The following ELF2 variants were observed in gnomAD, a reference collection of about 807,000 sequenced individuals.
ELF2 encodes the protein E74 like ETS transcription factor 2.
Under a neutral mutation model 54.8 loss-of-function variants are expected in ELF2, and 11 were observed. The observed-to-expected ratio is 0.20, with a 90% CI of 0.13 to 0.33. The LOEUF (loss-of-function observed/expected upper bound fraction) is 0.33, where lower values mean the gene tolerates loss of function less well. Ranked by LOEUF, ELF2 falls within the 10% of genes least tolerant of loss-of-function variation. The pLI, the probability that ELF2 is intolerant of heterozygous loss-of-function variation, is 1.00. For missense variants in ELF2, 513 were observed against 703.0 expected (o/e 0.73, Z 3.06); for synonymous variants, 203 against 245.1 (o/e 0.83, Z 1.61).
intron 1 of ELF2, among the ~76,000 whole-genome samples, chr4:139,172,156 C>G (rs1024493989): frequency 2.6e-5 from 4 of 152,078 alleles, no homozygotes; most frequent in African/African-American, 9.7e-5. Flanking sequence ...CACATAAAGA[C>G]TTGTACTCAA....
At chr4:139,064,805 G>A (rs938123946) in intron 7 of ELF2, among the ~76,000 whole-genome samples, 4 of 151,990 alleles carry the variant, frequency 2.6e-5, no homozygotes, top group African/African-American at 9.7e-5. Flanking sequence ...GCTTGAACCC[G>A]GGAGGCAGAG....
At chr4:139,109,912 A>G (rs1165053473) in intron 4 of ELF2, among the ~76,000 whole-genome samples, 2 of 152,208 alleles carry the variant, frequency 1.3e-5, no homozygotes, top group Non-Finnish European at 2.9e-5. Flanking sequence ...GATGGGATCA[A>G]TAGAAGCCCA....
chr4:139,141,139 G>A (rs1435055389), intron 1 of ELF2, among the ~76,000 whole-genome samples: 1 of 152,126 alleles, frequency 6.6e-6, no homozygotes, highest in Admixed American at 6.6e-5. Context: ...AGGGGCCTGG[G>A]ACAAGAATAC....
chr4:139,088,946 C>G (rs773971144), intron 4 of ELF2, among the ~76,000 whole-genome samples: 1 of 152,110 alleles, frequency 6.6e-6, no homozygotes, highest in Non-Finnish European at 1.5e-5. Context: ...TTAGTAGAGA[C>G]AGGGTTTCTC....
intron 4 of ELF2, among the ~76,000 whole-genome samples, chr4:139,076,101 TAAAC>T (rs576212522): frequency 1.0e-3 from 152 of 152,336 alleles, no homozygotes; most frequent in Admixed American, 2.6e-3. Flanking sequence ...GCCTCAGTCT[TAAAC>T]AACAGTCATT....
intron 3 of ELF2, among the ~76,000 whole-genome samples, chr4:139,131,605 G>A (rs1737494285): frequency 6.6e-6 from 1 of 152,050 alleles, no homozygotes. Context: ...GTAGAGTAAG[G>A]TTACCTTAAA....
At chr4:139,165,358 A>G (rs758977062) in intron 1 of ELF2, among the ~76,000 whole-genome samples, 3 of 152,188 alleles carry the variant, frequency 2.0e-5, no homozygotes, top group Non-Finnish European at 4.4e-5. Flanking sequence ...CTTCCCCAGG[A>G]TCAAGTTCTA....
chr4:139,175,985 A>T (rs1434215796), intron 1 of ELF2, among the ~76,000 whole-genome samples: 1 of 152,208 alleles, frequency 6.6e-6, no homozygotes, highest in African/African-American at 2.4e-5. Flanking sequence ...CTTTATGGAC[A>T]TGGAATAAAA....
chr4:139,125,570 C>A (rs1736833292), intron 3 of ELF2, among the ~76,000 whole-genome samples: 1 of 151,950 alleles, frequency 6.6e-6, no homozygotes, highest in Non-Finnish European at 1.5e-5. Context: ...ATTAAGTTGG[C>A]AGATTAAAAA....
At chr4:139,077,770 C>CT (rs1730521858) in intron 4 of ELF2, among the ~76,000 whole-genome samples, 1 of 152,114 alleles carries the variant, frequency 6.6e-6, no homozygotes, top group Non-Finnish European at 1.5e-5. Flanking sequence ...AGTAAGCAAG[C>CT]TACAAGCAAG....
At chr4:139,135,191 C>A (rs944457913) in intron 3 of ELF2, among the ~76,000 whole-genome samples, 2 of 150,148 alleles carry the variant, frequency 1.3e-5, no homozygotes, top group African/African-American at 4.9e-5. Flanking sequence ...TCATCCCATT[C>A]TACATTTTAG....
At chr4:139,103,542 G>A (rs1401440219) in intron 4 of ELF2, among the ~76,000 whole-genome samples, 2 of 152,226 alleles carry the variant, frequency 1.3e-5, no homozygotes, top group African/African-American at 2.4e-5. Context: ...ACATGTGGAG[G>A]TTCCTGGAGT....
intron 4 of ELF2, chr4:139,084,562 C>A: frequency 2.8e-6 from 1 of 362,378 alleles, no homozygotes; most frequent in Non-Finnish European, 3.9e-6. Flanking sequence ...CCGCAGCCTG[C>A]GGCGAGAGAC....
Position 139,115,024 on chromosome 4 carries a change from A to T in ELF2, c.238+10140T>A, listed in dbSNP as rs1011182841. ...CTCTGTGGGTTTGTAACAGTCAACC[A>T]GCAGCTCCTTGACCGTGGCAGCCCG... is the stretch of plus-strand genomic sequence containing the variant. On this transcript the variant is annotated intron_variant, in intron 4 of 9. Transcript: ENST00000686138. The T allele has an allele frequency of 3.1e-6, 5 of 1,613,772 alleles. No individual in the cohort carries two copies. In the African/African-American group the frequency reaches 5.3e-5, roughly 17 times the overall value.
At position 139,143,678 on chromosome 4, in the gene ELF2, G is replaced by A. The variant is rs192579095; in HGVS notation, c.-251-4181C>T. Among the ~76,000 whole-genome samples the A allele has an allele frequency of 2.4e-4, 37 of 152,218 alleles. No homozygotes were observed. In the East Asian group the frequency reaches 6.0e-3, roughly 25 times the overall value. ...CAGGCGCCTGTAATCCCAGTTACTC[G>A]GGAGGCTGAGGCAGGAGCTCGAGCT... On this transcript the variant is annotated intron_variant, in intron 1 of 9. Coordinates refer to ENST00000686138, the MANE Select transcript of ELF2 (RefSeq NM_001331036.3).
chr4:139,071,870 T>C lies in ELF2; in HGVS notation c.522A>G (p.Lys174=). Reference sequence around the variant, plus strand: ...AAATGTATAAATATACTCTACCTTTTTTCTTTTTCATTGGTTCATGGCTAT... The same window carrying C: ...AAATGTATAAATATACTCTACCTTTCTTCTTTTTCATTGGTTCATGGCTAT... ...SPDSHEPMKK[K]KVGRKPKTQQ... The change falls in exon 6 of 10, where the codon AAA becomes AAG. Residue 174 remains lysine, a synonymous_variant. Transcript: ENST00000686138. The C allele has an allele frequency of 6.3e-7, 1 of 1,582,708 alleles. No individual in the cohort carries two copies.
chr4:139,168,888 A>G (rs953689293), intron 1 of ELF2, among the ~76,000 whole-genome samples: 11 of 152,150 alleles, frequency 7.2e-5, no homozygotes, highest in African/African-American at 2.7e-4. Flanking sequence ...ATTTTGATCA[A>G]AAGGGGGAAA....
intron 4 of ELF2, among the ~76,000 whole-genome samples, chr4:139,111,931 T>C (rs1289964721): frequency 1.3e-5 from 2 of 152,178 alleles, no homozygotes; most frequent in African/African-American, 4.8e-5. Context: ...AGTTCAGACT[T>C]TAAGTAATTC....
rs557450302 is a variant in ELF2 at position 139,164,265 on chromosome 4, G to T, written c.-252+12702C>A. 2.4e-4 allele frequency among the ~76,000 whole-genome samples: 37 copies of T among 151,456 alleles called. 1 individual carries two copies. The South Asian group carries it at 7.3e-3, about 30-fold the overall frequency. On this transcript the variant is annotated intron_variant, in intron 1 of 9. Coordinates refer to ENST00000686138, the MANE Select transcript of ELF2 (RefSeq NM_001331036.3). ...AGGAAGGAAGAAAAGAAGGAAGGGAGGGAGGAAGGAAGGAAGATTTTTTCA... is the reference window on the plus strand; with the variant it reads ...AGGAAGGAAGAAAAGAAGGAAGGGATGGAGGAAGGAAGGAAGATTTTTTCA...
Sources: gnomAD v4.1 joint callset for allele counts (sites outside exome capture counted in the v4.1 genomes callset) on GRCh38, gnomAD v4.1.1 for gene constraint, MANE v1.5 for transcripts, NCBI Gene and HGNC (gene_info 2026-07-23, HGNC 2026-07-21) for gene names.